Variants in SEMA6D observed in about 807,000 individuals in gnomAD.
SEMA6D encodes the protein semaphorin-6D.
Under a neutral mutation model 106.6 loss-of-function variants are expected in SEMA6D, and 35 were observed. The observed-to-expected ratio is 0.33, with a 90% CI of 0.25 to 0.44. The LOEUF (loss-of-function observed/expected upper bound fraction) is 0.44, where lower values mean the gene tolerates loss of function less well. Ranked by LOEUF, SEMA6D falls within the 20% of genes least tolerant of loss-of-function variation. SEMA6D has a pLI of 1.00. For synonymous variants in SEMA6D, 499 were observed against 487.7 expected (o/e 1.02, Z -0.31); for missense variants, 1,185 against 1,345.9 (o/e 0.88, Z 1.87).
chr15:47,542,721 A>G (rs2045395432), intron 3 of SEMA6D, among the ~76,000 whole-genome samples: 2 of 152,150 alleles, frequency 1.3e-5, no homozygotes, highest in Admixed American at 6.6e-5. Context: ...CCAATACTAT[A>G]TAGAATATGC....
intron 1 of SEMA6D, among the ~76,000 whole-genome samples, chr15:47,244,140 G>A (rs369991351): frequency 2.0e-4 from 30 of 152,114 alleles, no homozygotes; most frequent in African/African-American, 7.0e-4. Context: ...AACCTTGGAG[G>A]CACTTACCAA....
intron 3 of SEMA6D, among the ~76,000 whole-genome samples, chr15:47,513,222 A>T (rs1445696207): frequency 6.6e-6 from 1 of 152,168 alleles, no homozygotes; most frequent in Non-Finnish European, 1.5e-5. Flanking sequence ...GAGGGAACAC[A>T]GGCAGATTGA....
At chr15:47,355,683 C>T (rs1487873855) in intron 1 of SEMA6D, among the ~76,000 whole-genome samples, 1 of 152,126 alleles carries the variant, frequency 6.6e-6, no homozygotes, top group African/African-American at 2.4e-5. Context: ...TTTTAAGCCA[C>T]TTTGGGAAGG....
intron 1 of SEMA6D, among the ~76,000 whole-genome samples, chr15:47,229,472 C>T (rs962945417): frequency 6.6e-6 from 1 of 151,896 alleles, no homozygotes; most frequent in Non-Finnish European, 1.5e-5. Context: ...CCCCAAGATG[C>T]CTTGTGCTAT....
At chr15:47,282,771 T>G (rs540167631) in intron 1 of SEMA6D, among the ~76,000 whole-genome samples, 1 of 152,280 alleles carries the variant, frequency 6.6e-6, no homozygotes, top group Non-Finnish European at 1.5e-5. Flanking sequence ...CTATGATGCC[T>G]TGTCTGTGTC....
At chr15:47,631,455 C>T (rs929656652) in intron 4 of SEMA6D, among the ~76,000 whole-genome samples, 3 of 148,190 alleles carry the variant, frequency 2.0e-5, no homozygotes, top group Non-Finnish European at 4.5e-5. Flanking sequence ...CTTATACACA[C>T]GAAAAAAAAA....
At chr15:47,559,604 G>C (rs929673196) in intron 3 of SEMA6D, among the ~76,000 whole-genome samples, 1 of 152,068 alleles carries the variant, frequency 6.6e-6, no homozygotes, top group Non-Finnish European at 1.5e-5. Flanking sequence ...CAATGGAGTG[G>C]AGCCAGAGAT....
intron 3 of SEMA6D, among the ~76,000 whole-genome samples, chr15:47,579,434 G>A (rs1024868743): frequency 5.3e-5 from 8 of 152,182 alleles, no homozygotes; most frequent in Non-Finnish European, 8.8e-5. Flanking sequence ...GAGCCACCAC[G>A]CCCAGCCAGA....
Position 47,407,402 on chromosome 15 carries a change from AC to A in SEMA6D, c.-238-4990del, listed in dbSNP as rs1467128508. 7.3e-3 allele frequency among the ~76,000 whole-genome samples: 983 copies of A among 135,178 alleles called. 20 individuals are homozygous for A. The highest frequency in any genetic ancestry group is 0.022 in the Middle Eastern group (5 of 226). The allele number at this position is 135,178 out of a possible 152,430, so 88.7% of individuals were successfully genotyped here. A position where few individuals can be genotyped will look rare whatever the true frequency, so the allele number is the denominator to read the frequency against. On this transcript the variant is annotated intron_variant, in intron 1 of 19. Coordinates refer to the SEMA6D transcript ENST00000558014. ...AAAAAAAAAAACCAAAACAACAACA[AC>A]AACAACAAAAAAAACAAAAAAAACA...
chr15:47,318,441 C>A (rs2036781481), intron 1 of SEMA6D, among the ~76,000 whole-genome samples: 1 of 131,826 alleles, frequency 7.6e-6, no homozygotes, highest in Non-Finnish European at 1.6e-5. Flanking sequence ...CAACAGTCCC[C>A]AGAGTGTGAT....
At chr15:47,663,696 T>C (rs1404089756) in intron 4 of SEMA6D, among the ~76,000 whole-genome samples, 1 of 152,190 alleles carries the variant, frequency 6.6e-6, no homozygotes, top group Non-Finnish European at 1.5e-5. Flanking sequence ...TCGAGGCGCC[T>C]GTGAATGTAA....
chr15:47,582,816 C>T (rs1426647871), intron 3 of SEMA6D, among the ~76,000 whole-genome samples: 1 of 152,086 alleles, frequency 6.6e-6, no homozygotes, highest in Non-Finnish European at 1.5e-5. Context: ...GTGATTCCTA[C>T]CCTCAGCTAC....
intron 13 of SEMA6D, chr15:47,765,287 C>T (rs2082278989): frequency 1.4e-5 from 18 of 1,301,454 alleles, no homozygotes; most frequent in Non-Finnish European, 1.8e-5. Context: ...TTGTTTTTCA[C>T]CTGTAGAATA....
chr15:47,705,375 CTT>C (rs148414120), intron 4 of SEMA6D, among the ~76,000 whole-genome samples: 1,640 of 152,296 alleles, frequency 0.011, 28 homozygotes, highest in African/African-American at 0.038. Context: ...ACATCATTTA[CTT>C]TACCCCTAAC....
At chr15:47,482,540 A>G (rs923673695) in intron 3 of SEMA6D, among the ~76,000 whole-genome samples, 52 of 152,270 alleles carry the variant, frequency 3.4e-4, no homozygotes, top group African/African-American at 1.3e-3. Flanking sequence ...AACAAGGGCC[A>G]TTATGTACCA....
chr15:47,691,807 C>T (rs2078592441), intron 4 of SEMA6D, among the ~76,000 whole-genome samples: 1 of 151,334 alleles, frequency 6.6e-6, no homozygotes, highest in South Asian at 2.1e-4. Flanking sequence ...TTTTATAGTC[C>T]CAGCCCTCAT....
At chr15:47,761,524 ATTTGT>A in intron 6 of SEMA6D, 93 bp downstream of exon 6, 1 of 1,290,888 alleles carries the variant, frequency 7.7e-7, no homozygotes, top group Non-Finnish European at 1.1e-6. Flanking sequence ...CTTTCCAGTA[ATTTGT>A]TTTATCTCTA....
intron 1 of SEMA6D, among the ~76,000 whole-genome samples, chr15:47,388,375 G>GA (rs1038221184): frequency 6.6e-6 from 1 of 152,076 alleles, no homozygotes; most frequent in African/African-American, 2.4e-5. Context: ...ATATGAAATG[G>GA]AAAATCTCAG....
chr15:47,230,115 T>G (rs755346379), intron 1 of SEMA6D, among the ~76,000 whole-genome samples: 13 of 152,128 alleles, frequency 8.5e-5, no homozygotes, highest in Admixed American at 2.6e-4. Context: ...AGAAAAATTC[T>G]TCTTTGTGGC....
Sources: allele counts gnomAD v4.1 joint callset (sites outside exome capture counted in the v4.1 genomes callset), GRCh38; gene constraint gnomAD v4.1.1; transcripts MANE v1.5; gene names NCBI Gene and HGNC (gene_info 2026-07-23, HGNC 2026-07-21).